The following GALNT14 variants were observed in gnomAD, a reference collection of about 807,000 sequenced individuals.
GALNT14 encodes the protein UDP-GalNAc:polypeptide N-acetylgalactosaminyltransferase 14.
GALNT14 carries 60 observed loss-of-function variants against 77.5 expected under a neutral mutation model. That is an observed-to-expected ratio of 0.77 (90% CI 0.63 to 0.96). The LOEUF (loss-of-function observed/expected upper bound fraction) is 0.96. GALNT14 is among the 40% of genes least tolerant of loss of function. The pLI is 0.00. For synonymous variants in GALNT14, 280 were observed against 281.7 expected, an observed-to-expected ratio of 0.99 and a Z score of 0.06; for missense variants, 710 against 731.0, an observed-to-expected ratio of 0.97 and a Z score of 0.33.
chr2:30,911,013 AG>A lies in GALNT14; in HGVS notation c.1546del (p.Leu516SerfsTer28). On this transcript the variant is annotated frameshift_variant, in exon 15 of 15. Transcript: ENST00000349752. LOFTEE classifies it high-confidence loss of function. The stretch of plus-strand genomic sequence containing the variant: ...ACCGAACATATCTGTATCGAGGCAG[AG>A]GTGGGATGCTATGTGCTCGATGTGG... Reference protein sequence around the residue: ...GSHIEHIASHLCLDTDMFGDG... With the variant: ...GSHIEHIASHXCLDTDMFGDG... 6.2e-7 allele frequency: 1 copy of A among 1,613,912 alleles called. No individual in the cohort carries two copies. Among genetic ancestry groups the A allele is most frequent in the East Asian group, 2.2e-5 (1 of 44,836 alleles).
chr2:31,126,823 C>T (rs1393735562), intron 1 of GALNT14: 2 of 152,344 alleles, frequency 1.3e-5, no homozygotes, highest in East Asian at 1.9e-4. Flanking sequence ...CCAGCACATA[C>T]TTTGGTTAGC....
chr2:30,920,964 A>T (rs1031270688), intron 13 of GALNT14, among the ~76,000 whole-genome samples: 2 of 152,188 alleles, frequency 1.3e-5, no homozygotes, highest in African/African-American at 4.8e-5. Context: ...TCCAAGGCAG[A>T]GAGGAGGGGC....
intron 1 of GALNT14, among the ~76,000 whole-genome samples, chr2:31,053,640 G>A (rs1030144400): frequency 5.9e-5 from 9 of 152,096 alleles, no homozygotes; most frequent in African/African-American, 1.9e-4. Context: ...CTGAATCCCA[G>A]GATGGTCCTG....
chr2:31,106,721 G>A (rs1677575781), intron 1 of GALNT14, among the ~76,000 whole-genome samples: 1 of 152,148 alleles, frequency 6.6e-6, no homozygotes, highest in South Asian at 2.1e-4. Context: ...TTATTTTCCT[G>A]GGAATGTTCC....
At chr2:31,043,008 G>A (rs184344035) in intron 1 of GALNT14, among the ~76,000 whole-genome samples, 41 of 152,152 alleles carry the variant, frequency 2.7e-4, no homozygotes, top group Non-Finnish European at 8.8e-5. Flanking sequence ...ATATGGCCAC[G>A]GTCACCTGTC....
At chr2:31,052,706 T>C (rs956253943) in intron 1 of GALNT14, among the ~76,000 whole-genome samples, 6 of 152,194 alleles carry the variant, frequency 3.9e-5, no homozygotes, top group Non-Finnish European at 8.8e-5. Context: ...GCAGGCGCTT[T>C]AGAAATCCAG....
chr2:31,136,540 C>T (rs186717306), intron 1 of GALNT14, among the ~76,000 whole-genome samples: 1 of 152,268 alleles, frequency 6.6e-6, no homozygotes, highest in East Asian at 1.9e-4. Flanking sequence ...TCCTCTCCCC[C>T]CAGAGAGTAA....
intron 1 of GALNT14, among the ~76,000 whole-genome samples, chr2:31,000,621 C>T (rs1219273753): frequency 6.6e-6 from 1 of 152,128 alleles, no homozygotes; most frequent in Admixed American, 6.5e-5. Flanking sequence ...CTAAGGTGGT[C>T]TGCTGGCAGA....
intron 1 of GALNT14, among the ~76,000 whole-genome samples, chr2:31,006,936 G>A (rs2148432167): frequency 6.6e-6 from 1 of 152,290 alleles, no homozygotes; most frequent in South Asian, 2.1e-4. Flanking sequence ...AGGGCCCAGA[G>A]CTTAGCACAT....
At chr2:30,907,410 C>T (rs576405705), downstream of GALNT14, among the ~76,000 whole-genome samples, 1 of 152,152 alleles carries the variant, frequency 6.6e-6, no homozygotes, top group Non-Finnish European at 1.5e-5. Context: ...TACAAACTAC[C>T]ATCAGAGAAT....
intron 6 of GALNT14, among the ~76,000 whole-genome samples, chr2:30,946,250 T>A (rs1420804384): frequency 1.3e-5 from 2 of 152,162 alleles, no homozygotes; most frequent in Non-Finnish European, 2.9e-5. Flanking sequence ...CATAGTTAGC[T>A]GGTGATACGG....
At chr2:30,981,504 G>A (rs796321635) in intron 2 of GALNT14, among the ~76,000 whole-genome samples, 48 of 152,332 alleles carry the variant, frequency 3.2e-4, no homozygotes, top group African/African-American at 1.2e-3. Flanking sequence ...GAGAGGTCTG[G>A]TGACCTGCAC....
intron 1 of GALNT14, among the ~76,000 whole-genome samples, chr2:31,089,582 G>A (rs778936116): frequency 6.6e-6 from 1 of 151,986 alleles, no homozygotes; most frequent in Non-Finnish European, 1.5e-5. Flanking sequence ...AGCTTGGTCC[G>A]TTTTCTTCAC....
chr2:30,940,000 CAA>C (rs72540472), intron 9 of GALNT14, among the ~76,000 whole-genome samples: 37,236 of 126,196 alleles, frequency 0.3, 5,543 homozygotes, highest in African/African-American at 0.48. Flanking sequence ...TATAAAATGC[CAA>C]AAAAAAAAAA....
intron 1 of GALNT14, among the ~76,000 whole-genome samples, chr2:31,028,598 T>C (rs1259564012): frequency 1.3e-5 from 2 of 152,234 alleles, no homozygotes; most frequent in Admixed American, 6.5e-5. Context: ...TGCTGCTTTA[T>C]TATCAATATG....
chr2:30,981,173 A>G (rs1322541935), intron 2 of GALNT14, among the ~76,000 whole-genome samples: 1 of 152,208 alleles, frequency 6.6e-6, no homozygotes, highest in Non-Finnish European at 1.5e-5. Context: ...AGCCAATCCT[A>G]CCAGCCCTAT....
intron 1 of GALNT14, among the ~76,000 whole-genome samples, chr2:31,062,025 T>C (rs1433971639): frequency 6.6e-6 from 1 of 152,244 alleles, no homozygotes; most frequent in Non-Finnish European, 1.5e-5. Context: ...GTTGTGGTTG[T>C]TGTTTTTGGA....
At chr2:31,045,829 A>T (rs1673417614) in intron 1 of GALNT14, among the ~76,000 whole-genome samples, 1 of 152,064 alleles carries the variant, frequency 6.6e-6, no homozygotes, top group Non-Finnish European at 1.5e-5. Context: ...CTTAAAGTAA[A>T]ATGTAAAATT....
At chr2:31,004,456 G>C (rs1040524415) in intron 1 of GALNT14, among the ~76,000 whole-genome samples, 1 of 152,230 alleles carries the variant, frequency 6.6e-6, no homozygotes, top group African/African-American at 2.4e-5. Context: ...GCTTCAGCTG[G>C]ATGGAGCTGG....
Sources: allele counts gnomAD v4.1 joint callset (sites outside exome capture counted in the v4.1 genomes callset), GRCh38; gene constraint gnomAD v4.1.1; transcripts MANE v1.5; gene names NCBI Gene and HGNC (gene_info 2026-07-23, HGNC 2026-07-21).